The following CHCHD3 variants were observed in gnomAD, a reference collection of about 807,000 sequenced individuals.
CHCHD3 encodes the protein MICOS complex subunit MIC19.
A neutral mutation model predicts 38.2 loss-of-function variants in CHCHD3; 20 were observed. The observed-to-expected ratio is 0.52, with a 90% confidence interval of 0.37 to 0.76. The LOEUF (loss-of-function observed/expected upper bound fraction) is 0.76, where lower values mean the gene tolerates loss of function less well. Ranked by LOEUF, CHCHD3 falls within the 30% of genes least tolerant of loss-of-function variation. The pLI, the probability that CHCHD3 is intolerant of heterozygous loss-of-function variation, is 0.00. For synonymous variants in CHCHD3, 82 were observed against 100.0 expected (o/e 0.82, Z 1.07); for missense variants, 245 against 279.2 (o/e 0.88, Z 0.87).
In CHCHD3 at chr7:132,975,192, C is replaced by T; in HGVS notation, c.346G>A (p.Glu116Lys). 1 of 1,612,252 alleles carries T rather than the reference C, an allele frequency of 6.2e-7. No homozygotes were observed. The highest frequency in any genetic ancestry group is 8.5e-7 in the Non-Finnish European group (1 of 1,179,926). Reference sequence around the variant, plus strand: ...ACCAGGTGCTTTGCCTTAGCGCGTTCCTCCTCGCTACATATCCTCTCCCGA... The same window carrying T: ...ACCAGGTGCTTTGCCTTAGCGCGTTTCTCCTCGCTACATATCCTCTCCCGA... ...ILRERICSEE[E>K]RAKAKHLARQ... The change falls in exon 4 of 8, where the codon GAA becomes AAA. Residue 116 changes from glutamate to lysine, a missense_variant. Physicochemically the swap from Glu to Lys is moderately conservative, Grantham distance 56. Transcript: ENST00000262570.
Position 133,081,735 on chromosome 7 carries a change from C to T in CHCHD3, c.81+122G>A, listed in dbSNP as rs907524979. The T allele has an allele frequency of 1.2e-5, 11 of 903,370 alleles. No homozygotes were observed. In the African/African-American group the frequency reaches 1.8e-4, roughly 15 times the overall value. The allele number at this position is 903,370 out of a possible 1,614,324, so 56.0% of individuals were successfully genotyped here. On this transcript the variant is annotated intron_variant, in intron 1 of 7. Transcript: ENST00000262570. Reference sequence around the variant, plus strand: ...CTAGGCTTCTTCCCAGACACCTGGGCTTCTGGCCTTAATACGCTAGGGTCC... The same window carrying T: ...CTAGGCTTCTTCCCAGACACCTGGGTTTCTGGCCTTAATACGCTAGGGTCC...
At chr7:132,952,604 G>A (rs1227717950) in intron 4 of CHCHD3, among the ~76,000 whole-genome samples, 1 of 152,216 alleles carries the variant, frequency 6.6e-6, no homozygotes, top group South Asian at 2.1e-4. Context: ...TGAATAGAGA[G>A]ATGAGCAGTT....
chr7:132,833,316 G>T (rs75223041), intron 6 of CHCHD3, among the ~76,000 whole-genome samples: 36 of 152,266 alleles, frequency 2.4e-4, no homozygotes, highest in Non-Finnish European at 4.7e-4. Context: ...CATATAAGAA[G>T]AATGCTGGAT....
At chr7:133,029,927 T>G (rs1813453814) in intron 2 of CHCHD3, among the ~76,000 whole-genome samples, 1 of 151,680 alleles carries the variant, frequency 6.6e-6, no homozygotes, top group South Asian at 2.1e-4. Context: ...CATGTCCAAG[T>G]GACCAGCTGG....
At chr7:133,043,808 T>C (rs1813900979) in intron 2 of CHCHD3, among the ~76,000 whole-genome samples, 4 of 152,154 alleles carry the variant, frequency 2.6e-5, no homozygotes, top group African/African-American at 9.7e-5. Context: ...GCAAATAAAA[T>C]TGGGGGAGGA....
intron 4 of CHCHD3, among the ~76,000 whole-genome samples, chr7:132,948,084 C>G (rs1158024635): frequency 2.0e-5 from 3 of 151,992 alleles, no homozygotes; most frequent in Non-Finnish European, 4.4e-5. Flanking sequence ...GTTTTGTTTT[C>G]TTTTGTTTTT....
At chr7:132,798,963 C>T (rs1243955810) in intron 6 of CHCHD3, among the ~76,000 whole-genome samples, 1 of 151,548 alleles carries the variant, frequency 6.6e-6, no homozygotes, top group Non-Finnish European at 1.5e-5. Flanking sequence ...CAAATCAATA[C>T]TACTCACTTC....
chr7:132,998,408 G>C (rs1812481481), intron 3 of CHCHD3, among the ~76,000 whole-genome samples: 1 of 152,184 alleles, frequency 6.6e-6, no homozygotes, highest in African/African-American at 2.4e-5. Context: ...GCGGACGCCA[G>C]GCAAACCTTT....
At chr7:132,925,779 G>T (rs1375723556) in intron 4 of CHCHD3, among the ~76,000 whole-genome samples, 1 of 152,170 alleles carries the variant, frequency 6.6e-6, no homozygotes, top group African/African-American at 2.4e-5. Context: ...GAGAAGTGGA[G>T]CACAAACACA....
chr7:132,931,956 G>C (rs1363339160), intron 4 of CHCHD3, among the ~76,000 whole-genome samples: 5 of 152,126 alleles, frequency 3.3e-5, no homozygotes, highest in African/African-American at 2.4e-5. Context: ...AGCCAGCTGT[G>C]AGTCAGAAAT....
intron 2 of CHCHD3, among the ~76,000 whole-genome samples, chr7:133,049,790 C>T (rs1018796902): frequency 3.3e-5 from 5 of 152,154 alleles, no homozygotes; most frequent in African/African-American, 1.2e-4. Context: ...GAAACAATTT[C>T]TTTACTTGTG....
chr7:132,885,551 C>T lies in CHCHD3; in HGVS notation c.453+111G>A, dbSNP rs560555134. ...CCTGCTTTGCTTCTTCACTTCCTGG[C>T]CACTTTACAACCAGGAAAAGCAGTT... On this transcript the variant is annotated intron_variant, in intron 5 of 7. Transcript: ENST00000262570. 1.7e-5 allele frequency: 14 copies of T among 824,252 alleles called. No homozygotes were observed. The African/African-American group carries it at 2.2e-4, about 13-fold the overall frequency. The allele number at this position is 824,252 out of a possible 1,614,324, so 51.1% of individuals were successfully genotyped here. A position where few individuals can be genotyped will look rare whatever the true frequency, so the allele number is the denominator to read the frequency against.
intron 4 of CHCHD3, among the ~76,000 whole-genome samples, chr7:132,898,741 G>C (rs1183179685): frequency 6.6e-6 from 1 of 152,254 alleles, no homozygotes; most frequent in Non-Finnish European, 1.5e-5. Flanking sequence ...CAGGTCCCGA[G>C]CCTTGCCCCA....
chr7:132,962,068 A>G (rs1173373518), intron 4 of CHCHD3, among the ~76,000 whole-genome samples: 1 of 152,206 alleles, frequency 6.6e-6, no homozygotes, highest in Non-Finnish European at 1.5e-5. Flanking sequence ...TCATGTTGAC[A>G]CTTTCAATTC....
At chr7:132,871,241 C>A (rs181978587) in intron 5 of CHCHD3, among the ~76,000 whole-genome samples, 103 of 152,220 alleles carry the variant, frequency 6.8e-4, no homozygotes, top group South Asian at 1.2e-3. Context: ...GTCTTTCTGG[C>A]ATTAATCTTT....
At chr7:132,967,540 C>G (rs951137949) in intron 4 of CHCHD3, among the ~76,000 whole-genome samples, 1 of 151,888 alleles carries the variant, frequency 6.6e-6, no homozygotes, top group Non-Finnish European at 1.5e-5. Context: ...CCTGTAATCC[C>G]AGCACTTTGG....
At chr7:133,020,973 G>A (rs1050820386) in intron 3 of CHCHD3, among the ~76,000 whole-genome samples, 7 of 151,854 alleles carry the variant, frequency 4.6e-5, no homozygotes, top group Admixed American at 3.3e-4. Context: ...GGGGGCCGGC[G>A]GGCAGCAGGA....
At chr7:132,946,916 A>T (rs1321432459) in intron 4 of CHCHD3, among the ~76,000 whole-genome samples, 1 of 151,872 alleles carries the variant, frequency 6.6e-6, no homozygotes, top group Non-Finnish European at 1.5e-5. Flanking sequence ...ACCACCCTAA[A>T]ACATTTGCCA....
At chr7:132,811,451 C>T (rs931299926) in intron 6 of CHCHD3, among the ~76,000 whole-genome samples, 20 of 152,208 alleles carry the variant, frequency 1.3e-4, no homozygotes, top group Admixed American at 1.2e-3. Context: ...AATTTTAATA[C>T]ATTTAAACAG....
Sources: gnomAD v4.1 joint callset for allele counts (sites outside exome capture counted in the v4.1 genomes callset) on GRCh38, gnomAD v4.1.1 for gene constraint, MANE v1.5 for transcripts, NCBI Gene and HGNC (gene_info 2026-07-23, HGNC 2026-07-21) for gene names.